GBE1: variants seen among roughly 807,000 people sequenced by gnomAD.
GBE1 encodes 1,4-alpha-glucan branching enzyme 1.
Under a neutral mutation model 88.8 loss-of-function variants are expected in GBE1, and 70 were observed. The ratio of observed to expected loss-of-function variants is 0.79; its 90% CI spans 0.65 to 0.96. GBE1 has a LOEUF of 0.96. GBE1 is among the 40% of genes least tolerant of loss of function. GBE1 has a pLI of 0.00. For missense variants in GBE1, 872 were observed against 871.0 expected (o/e 1.00, Z -0.01); for synonymous variants, 284 against 300.1 (o/e 0.95, Z 0.56).
intron 15 of GBE1, among the ~76,000 whole-genome samples, chr3:81,496,013 T>C (rs961868046): frequency 3.3e-5 from 5 of 152,210 alleles, no homozygotes; most frequent in African/African-American, 9.6e-5. Context: ...TAATCTCTTA[T>C]CTCTCATTTG....
At chr3:81,753,605 G>A (rs1051548408) in intron 1 of GBE1, among the ~76,000 whole-genome samples, 5 of 152,176 alleles carry the variant, frequency 3.3e-5, no homozygotes, top group Admixed American at 6.5e-5. Flanking sequence ...TTTCTCAGGA[G>A]GTGGTGCAGC....
chr3:81,571,420 T>C (rs892923027), intron 12 of GBE1, among the ~76,000 whole-genome samples: 11 of 152,228 alleles, frequency 7.2e-5, no homozygotes, highest in African/African-American at 2.7e-4. Flanking sequence ...TTTTCAGTTA[T>C]ATGGAGCACT....
intron 2 of GBE1, among the ~76,000 whole-genome samples, chr3:81,673,835 T>G (rs1223409571): frequency 6.6e-6 from 1 of 151,868 alleles, no homozygotes; most frequent in African/African-American, 2.4e-5. Context: ...CCTTTCCTCA[T>G]GGGAACTCAG....
rs28763903 is a variant in GBE1 at position 81,648,810 on chromosome 3, G to C, written c.691+46C>G. On this transcript the variant is annotated intron_variant, in intron 5 of 15. Transcript: ENST00000429644. ...AATTAGCTTTTCTAATAAGAGAACA[G>C]ACTCATTAAAATTTTATCTGAATAA... 87 of 1,181,364 alleles carry C rather than the reference G, an allele frequency of 7.4e-5. No individual in the cohort carries two copies. In the African/African-American group the frequency reaches 1.2e-3, roughly 16 times the overall value. 73.2% of individuals were successfully genotyped at this position (1,181,364 alleles called of 1,614,324 possible).
intron 7 of GBE1, among the ~76,000 whole-genome samples, chr3:81,631,992 T>C (rs1189549967): frequency 6.6e-6 from 1 of 152,070 alleles, no homozygotes; most frequent in East Asian, 1.9e-4. Context: ...TGGTGTGTGA[T>C]GTTCCCCTCT....
chr3:81,625,491 T>G (rs1704400616), intron 7 of GBE1, among the ~76,000 whole-genome samples: 1 of 151,890 alleles, frequency 6.6e-6, no homozygotes, highest in African/African-American at 2.4e-5. Context: ...CAGGCTGGAG[T>G]GCAGCAGCAT....
chr3:81,691,286 T>C (rs1282367426), intron 2 of GBE1, among the ~76,000 whole-genome samples: 2 of 152,098 alleles, frequency 1.3e-5, no homozygotes, highest in Admixed American at 6.5e-5. Context: ...CCTCACCCTG[T>C]GAAGAGGAAG....
Position 81,624,763 on chromosome 3 carries a change from A to C in GBE1, c.992+18018T>G, listed in dbSNP as rs76234417. ...CATAACTTAAAAACACACACAATAC[A>C]AGAAGCATATCTCTACTTTCTATGG... is the stretch of plus-strand genomic sequence containing the variant. On this transcript the variant is annotated intron_variant, in intron 7 of 15. Transcript: ENST00000429644. 6.0e-3 allele frequency among the ~76,000 whole-genome samples: 918 copies of C among 152,238 alleles called. 6 individuals carry two copies. The highest frequency in any genetic ancestry group is 0.018 in the African/African-American group (730 of 41,544).
intron 7 of GBE1, among the ~76,000 whole-genome samples, chr3:81,625,400 T>C (rs1331735163): frequency 1.3e-5 from 2 of 152,026 alleles, no homozygotes; most frequent in African/African-American, 4.8e-5. Flanking sequence ...TTCCCTTACA[T>C]CTTTCCTAAA....
intron 1 of GBE1, among the ~76,000 whole-genome samples, chr3:81,707,704 ATTTC>A (rs1369590827): frequency 6.6e-6 from 1 of 152,058 alleles, no homozygotes; most frequent in African/African-American, 2.4e-5. Flanking sequence ...ATACTTTTTA[ATTTC>A]TTTATTAATC....
chr3:81,635,930 G>A (rs1436787647), intron 7 of GBE1, among the ~76,000 whole-genome samples: 6 of 152,146 alleles, frequency 3.9e-5, no homozygotes, highest in Non-Finnish European at 5.9e-5. Flanking sequence ...TGAGTAAGAC[G>A]TAAATACTCA....
chr3:81,513,584 A>C (rs1327179248), intron 14 of GBE1, among the ~76,000 whole-genome samples: 1 of 151,714 alleles, frequency 6.6e-6, no homozygotes, highest in Non-Finnish European at 1.5e-5. Context: ...AAAAACAAAA[A>C]ACAAAAAGTA....
chr3:81,562,012 C>T (rs2106910814), intron 12 of GBE1, among the ~76,000 whole-genome samples: 1 of 152,190 alleles, frequency 6.6e-6, no homozygotes, highest in South Asian at 2.1e-4. Flanking sequence ...ACTCACGGTG[C>T]TTTATGCAGA....
At chr3:81,581,040 C>A (rs1242296274) in intron 11 of GBE1, 125 bp downstream of exon 11, 5 of 603,644 alleles carry the variant, frequency 8.3e-6, no homozygotes, top group East Asian at 5.8e-5. Context: ...CACACACATA[C>A]ACACATTATA....
At position 81,497,106 on chromosome 3, in the gene GBE1, C is replaced by T. The variant is rs915648653; in HGVS notation, c.2052+2004G>A. 3.3e-5 allele frequency among the ~76,000 whole-genome samples: 5 copies of T among 152,240 alleles called. No individual in the cohort carries two copies. In the East Asian group the frequency reaches 9.6e-4, roughly 29 times the overall value. On this transcript the variant is annotated intron_variant, in intron 15 of 15. Transcript: ENST00000429644. ...ATTTTCCACACTGGTGAGATCAATT[C>T]GATTAGTGATTGAAAAGTAATCTCC... is the stretch of plus-strand genomic sequence containing the variant.
chr3:81,633,362 A>G (rs1335207069), intron 7 of GBE1, among the ~76,000 whole-genome samples: 1 of 152,162 alleles, frequency 6.6e-6, no homozygotes, highest in Non-Finnish European at 1.5e-5. Context: ...ATTAAAGTTA[A>G]ACTTAGAAAG....
chr3:81,499,588 C>T (rs1433059334), intron 14 of GBE1, among the ~76,000 whole-genome samples: 1 of 152,002 alleles, frequency 6.6e-6, no homozygotes, highest in Non-Finnish European at 1.5e-5. Flanking sequence ...CAAGACAAGC[C>T]ATAAAGAATA....
intron 1 of GBE1, among the ~76,000 whole-genome samples, chr3:81,709,301 A>G (rs551496910): frequency 6.6e-6 from 1 of 152,304 alleles, no homozygotes; most frequent in East Asian, 1.9e-4. Context: ...ATCATATGAG[A>G]AAAGGTTCTT....
At chr3:81,692,392 C>T (rs915090067) in intron 2 of GBE1, among the ~76,000 whole-genome samples, 1 of 152,118 alleles carries the variant, frequency 6.6e-6, no homozygotes, top group Non-Finnish European at 1.5e-5. Context: ...TATGCTTTAA[C>T]TTTAGAAGAA....
Sources: allele counts gnomAD v4.1 joint callset (sites outside exome capture counted in the v4.1 genomes callset), GRCh38; gene constraint gnomAD v4.1.1; transcripts MANE v1.5; gene names NCBI Gene and HGNC (gene_info 2026-07-23, HGNC 2026-07-21).